The following NUCB2 variants were observed in gnomAD, a reference collection of about 807,000 sequenced individuals.
NUCB2 encodes nucleobindin-2.
Under a neutral mutation model 57.9 loss-of-function variants are expected in NUCB2, and 48 were observed. The observed-to-expected ratio is 0.83, with a 90% CI of 0.66 to 1.05. The LOEUF is 1.05. Ranked by LOEUF, NUCB2 falls within the 50% of genes least tolerant of loss-of-function variation. The pLI is 0.00. For synonymous variants in NUCB2, 139 were observed against 152.1 expected (o/e 0.91, Z 0.64); for missense variants, 442 against 476.2 (o/e 0.93, Z 0.67).
intron 4 of NUCB2, among the ~76,000 whole-genome samples, chr11:17,301,318 G>C (rs1435654614): frequency 8.7e-6 from 1 of 115,390 alleles, no homozygotes; most frequent in Non-Finnish European, 1.6e-5. Context: ...CGCTCTTGTC[G>C]TCCAGGCTGG....
chr11:17,339,133 G>A (rs1471352491), intron 2 of NUCB2, among the ~76,000 whole-genome samples: 5 of 151,848 alleles, frequency 3.3e-5, no homozygotes, highest in Admixed American at 6.6e-5. Flanking sequence ...GACTCCAGGC[G>A]TGTGCCACCA....
At chr11:17,342,332 A>T (rs895449711) in intron 2 of NUCB2, among the ~76,000 whole-genome samples, 2 of 151,922 alleles carry the variant, frequency 1.3e-5, no homozygotes, top group Admixed American at 6.6e-5. Context: ...CTCTGATCTT[A>T]GTTATTTCTT....
intron 11 of NUCB2, among the ~76,000 whole-genome samples, chr11:17,319,217 G>A (rs2139166281): frequency 6.6e-6 from 1 of 152,170 alleles, no homozygotes; most frequent in East Asian, 1.9e-4. Flanking sequence ...TATCAGTGTA[G>A]ACTCATGGCT....
In NUCB2 at chr11:17,329,761, G is replaced by A. The variant is rs1951154541; in HGVS notation, c.1003-366G>A. Among the ~76,000 whole-genome samples, 4 of 152,210 alleles carry A rather than the reference G, an allele frequency of 2.6e-5. No individual in the cohort carries two copies. The South Asian group carries it at 8.3e-4, about 31-fold the overall frequency. ...AACCAGGTACTGTGAGTGCTCACCT[G>A]ATGTTTGCTTCTTGTGCTTTTCTGT... On this transcript the variant is annotated intron_variant, in intron 11 of 13. Transcript: ENST00000529010.
intron 5 of NUCB2, among the ~76,000 whole-genome samples, chr11:17,303,367 A>C (rs2138675368): frequency 6.6e-6 from 1 of 152,304 alleles, no homozygotes; most frequent in East Asian, 1.9e-4. Context: ...TTATTTCAGG[A>C]ATATAAGATG....
intron 5 of NUCB2, among the ~76,000 whole-genome samples, chr11:17,306,971 T>A (rs1009719138): frequency 3.9e-5 from 6 of 152,100 alleles, no homozygotes. Flanking sequence ...AGGAATATTG[T>A]TTTCTCATTG....
intron 2 of NUCB2, among the ~76,000 whole-genome samples, chr11:17,338,808 C>T (rs1437556687): frequency 6.6e-6 from 1 of 151,810 alleles, no homozygotes; most frequent in Non-Finnish European, 1.5e-5. Flanking sequence ...GGACTATAGG[C>T]ATATGCCACC....
intron 2 of NUCB2, among the ~76,000 whole-genome samples, chr11:17,337,762 T>A (rs1951932051): frequency 6.6e-6 from 1 of 152,172 alleles, no homozygotes. Flanking sequence ...GCCTCCCAAG[T>A]AGCTGAGATT....
At chr11:17,311,789 T>G (rs1418153309) in intron 8 of NUCB2, 83 bp from the exon 9 acceptor site, 5 of 953,102 alleles carry the variant, frequency 5.2e-6, no homozygotes, top group Non-Finnish European at 6.4e-6. Flanking sequence ...ACTACTTTTG[T>G]AAACCCTTTA....
chr11:17,297,011 G>A (rs538861217), intron 4 of NUCB2, among the ~76,000 whole-genome samples: 3 of 152,156 alleles, frequency 2.0e-5, no homozygotes, highest in East Asian at 1.9e-4. Context: ...TCCAGCCATA[G>A]TCAGCTCTTC....
chr11:17,299,595 C>T (rs561050323), intron 4 of NUCB2, among the ~76,000 whole-genome samples: 10 of 151,976 alleles, frequency 6.6e-5, no homozygotes, highest in Non-Finnish European at 1.2e-4. Context: ...ATGGTGCTGA[C>T]CAACTTAACT....
chr11:17,336,842 T>C (rs1951858582), downstream of NUCB2, among the ~76,000 whole-genome samples: 1 of 151,854 alleles, frequency 6.6e-6, no homozygotes. Context: ...AACAGCATTA[T>C]TTTATGTACA....
chr11:17,329,512 C>T (rs373093728), intron 11 of NUCB2, among the ~76,000 whole-genome samples: 36 of 152,364 alleles, frequency 2.4e-4, no homozygotes, highest in African/African-American at 8.2e-4. Flanking sequence ...TCAAATGCTC[C>T]TATGCATGGG....
chr11:17,318,347 A>G (rs530635496), intron 11 of NUCB2, among the ~76,000 whole-genome samples: 170 of 152,242 alleles, frequency 1.1e-3, no homozygotes, highest in African/African-American at 3.9e-3. Flanking sequence ...AAATACATTC[A>G]ATATCATATC....
intron 11 of NUCB2, among the ~76,000 whole-genome samples, chr11:17,327,716 A>G (rs1272193767): frequency 6.6e-6 from 1 of 152,072 alleles, no homozygotes; most frequent in African/African-American, 2.4e-5. Context: ...AGAGACTCCG[A>G]TGCATTCTTC....
intron 5 of NUCB2, among the ~76,000 whole-genome samples, chr11:17,306,595 A>G (rs535930531): frequency 6.6e-6 from 1 of 152,320 alleles, no homozygotes; most frequent in Admixed American, 6.5e-5. Flanking sequence ...CTTCATTCCA[A>G]GATGGGTACT....
At chr11:17,337,610 T>A (rs1565483273) in intron 2 of NUCB2, 1 of 152,192 alleles carries the variant, frequency 6.6e-6, no homozygotes, top group African/African-American at 2.4e-5. Context: ...AGGTGTGAGA[T>A]TTGAAGGAAA....
Position 17,295,487 on chromosome 11 carries a change from A to G in NUCB2, c.144+20A>G. Reference sequence around the variant, plus strand: ...CCACCAGTAAGTGAAATGAAGTGAAATGGGAGGAATTATAACTAAATGAAA... The same window carrying G: ...CCACCAGTAAGTGAAATGAAGTGAAGTGGGAGGAATTATAACTAAATGAAA... On this transcript the variant is annotated intron_variant, in intron 3 of 13. Transcript: ENST00000529010. The G allele has an allele frequency of 2.6e-6, 4 of 1,557,430 alleles. No homozygotes were observed. Among genetic ancestry groups the G allele is most frequent in the Non-Finnish European group, 3.5e-6 (4 of 1,132,310 alleles).
chr11:17,343,479 T>C (rs1300361199), intron 2 of NUCB2, among the ~76,000 whole-genome samples: 1 of 152,174 alleles, frequency 6.6e-6, no homozygotes, highest in East Asian at 1.9e-4. Context: ...GTGCATGGGG[T>C]GTGAGGCACA....
Sources: allele counts gnomAD v4.1 joint callset (sites outside exome capture counted in the v4.1 genomes callset), GRCh38; gene constraint gnomAD v4.1.1; transcripts MANE v1.5; gene names NCBI Gene and HGNC (gene_info 2026-07-23, HGNC 2026-07-21).